Variants in L3MBTL4 observed in about 807,000 individuals in gnomAD.
L3MBTL4 encodes the protein lethal(3)malignant brain tumor-like protein 4.
L3MBTL4 carries 70 observed loss-of-function variants against 84.5 expected under a neutral mutation model. The observed-to-expected ratio is 0.83, with a 90% CI of 0.68 to 1.01. The LOEUF (loss-of-function observed/expected upper bound fraction) is 1.01, where lower values mean the gene tolerates loss of function less well. Among genes scored for constraint, L3MBTL4 ranks in the 50% least tolerant of loss-of-function variants. The pLI is 0.00. For missense variants in L3MBTL4, 715 were observed against 754.8 expected (o/e 0.95, Z 0.62); for synonymous variants, 274 against 259.8 (o/e 1.05, Z -0.52).
intron 16 of L3MBTL4, among the ~76,000 whole-genome samples, chr18:6,049,521 T>C (rs756676344): frequency 2.0e-5 from 3 of 152,166 alleles, no homozygotes; most frequent in Non-Finnish European, 4.4e-5. Flanking sequence ...ATATATATCA[T>C]GGAATACTAT....
upstream of L3MBTL4, chr18:6,415,101 T>G (rs2056143765): frequency 6.6e-6 from 1 of 152,242 alleles, no homozygotes; most frequent in Non-Finnish European, 1.5e-5. Context: ...AATTTTCAGA[T>G]GCGTCCTTCT....
chr18:6,276,081 G>A (rs1266701357), intron 4 of L3MBTL4, among the ~76,000 whole-genome samples: 1 of 152,198 alleles, frequency 6.6e-6, no homozygotes, highest in Non-Finnish European at 1.5e-5. Context: ...GCTTCCTTTG[G>A]AAAGGCTAAT....
chr18:6,321,259 C>T (rs2051387201), intron 1 of L3MBTL4, among the ~76,000 whole-genome samples: 1 of 152,074 alleles, frequency 6.6e-6, no homozygotes, highest in African/African-American at 2.4e-5. Context: ...AGCTTCTGTA[C>T]AGCAAAAGGC....
intron 17 of L3MBTL4, among the ~76,000 whole-genome samples, chr18:5,961,860 G>A (rs2095265126): frequency 6.6e-6 from 1 of 152,230 alleles, no homozygotes; most frequent in African/African-American, 2.4e-5. Flanking sequence ...GTGGAATGCC[G>A]CTGGTCAAGC....
At position 6,045,223 on chromosome 18, in the gene L3MBTL4, C is replaced by T. The variant is rs1438194616; in HGVS notation, c.1444+35658G>A. 5.3e-5 allele frequency among the ~76,000 whole-genome samples: 8 copies of T among 152,288 alleles called. No homozygotes were observed. The South Asian group carries it at 1.2e-3, about 24-fold the overall frequency. On this transcript the variant is annotated intron_variant, in intron 16 of 18. Transcript: ENST00000317931. Reference sequence around the variant, plus strand: ...CTTATGAGCCAAAAGGGATTGGGGGCCTACTTTCAGCACTCTTAAGTAAAA... The same window carrying T: ...CTTATGAGCCAAAAGGGATTGGGGGTCTACTTTCAGCACTCTTAAGTAAAA...
At position 6,255,180 on chromosome 18, in the gene L3MBTL4, G is replaced by T. The variant is rs189199566; in HGVS notation, c.219+8767C>A. Among the ~76,000 whole-genome samples the T allele has an allele frequency of 3.9e-4, 60 of 152,284 alleles. 1 individual carries two copies. The East Asian group carries it at 7.9e-3, about 20-fold the overall frequency. On this transcript the variant is annotated intron_variant, in intron 5 of 18. Transcript: ENST00000317931. ...CATATTTCCTTTAACTAAACAAGAA[G>T]TCGTGTCTACCCTTGATTCCAAATG...
intron 1 of L3MBTL4, among the ~76,000 whole-genome samples, chr18:6,408,610 A>C (rs62079209): frequency 0.12 from 17,787 of 152,068 alleles, 1,183 homozygotes; most frequent in African/African-American, 0.16. Flanking sequence ...CTGCCTCCAA[A>C]GCACTAAGGG....
At chr18:6,303,635 T>C (rs1026697429) in intron 3 of L3MBTL4, among the ~76,000 whole-genome samples, 5 of 152,208 alleles carry the variant, frequency 3.3e-5, no homozygotes, top group Non-Finnish European at 5.9e-5. Context: ...CCAGTCTGCA[T>C]GGGGCAGACC....
At chr18:6,174,760 T>C (rs2044146358) in intron 12 of L3MBTL4, among the ~76,000 whole-genome samples, 1 of 150,332 alleles carries the variant, frequency 6.7e-6, no homozygotes, top group African/African-American at 2.5e-5. Flanking sequence ...CCCAGCTACT[T>C]GGGAGGCTGA....
At chr18:6,211,950 AC>A (rs1271677060) in intron 12 of L3MBTL4, among the ~76,000 whole-genome samples, 4 of 152,206 alleles carry the variant, frequency 2.6e-5, no homozygotes, top group Non-Finnish European at 5.9e-5. Flanking sequence ...TGCCCGGCCT[AC>A]TTTTAAAATG....
chr18:6,369,270 T>C (rs1006003325), intron 1 of L3MBTL4, among the ~76,000 whole-genome samples: 10 of 152,042 alleles, frequency 6.6e-5, no homozygotes, highest in Non-Finnish European at 1.2e-4. Flanking sequence ...AATTCATCAA[T>C]ATGCTGTAAA....
intron 4 of L3MBTL4, among the ~76,000 whole-genome samples, chr18:6,284,668 G>T (rs527331541): frequency 4.2e-4 from 64 of 152,300 alleles, no homozygotes; most frequent in Non-Finnish European, 8.7e-4. Context: ...CTTCTTCAGG[G>T]CAGTATCCTA....
At chr18:6,406,694 A>C (rs1483589235) in intron 1 of L3MBTL4, among the ~76,000 whole-genome samples, 1 of 152,122 alleles carries the variant, frequency 6.6e-6, no homozygotes, top group African/African-American at 2.4e-5. Flanking sequence ...TTACCATCCT[A>C]CCAGGCATGG....
At chr18:6,065,537 T>A (rs778078730) in intron 16 of L3MBTL4, among the ~76,000 whole-genome samples, 4 of 152,026 alleles carry the variant, frequency 2.6e-5, no homozygotes, top group Non-Finnish European at 5.9e-5. Context: ...TGCCTGTTGT[T>A]GGTCTGTTCA....
chr18:6,264,863 G>C (rs986497424), intron 4 of L3MBTL4, among the ~76,000 whole-genome samples: 1 of 152,190 alleles, frequency 6.6e-6, no homozygotes, highest in African/African-American at 2.4e-5. Context: ...CAGTAGACAC[G>C]CCCAAGGGGC....
rs145560293 is a variant in L3MBTL4, at chr18:6,169,980, C to T, written c.1096+1848G>A. Among the ~76,000 whole-genome samples the T allele has an allele frequency of 3.2e-3, 486 of 152,154 alleles. 3 individuals are homozygous for T. Among genetic ancestry groups the T allele is most frequent in the African/African-American group, 0.011 (452 of 41,516 alleles). On this transcript the variant is annotated intron_variant, in intron 13 of 18. Transcript: ENST00000317931. ...AAATCTAGAGAATGTCACATTATTTCCTGAGAGAAGATTTAATTGAGCACA... is the reference window on the plus strand; with the variant it reads ...AAATCTAGAGAATGTCACATTATTTTCTGAGAGAAGATTTAATTGAGCACA...
intron 4 of L3MBTL4, among the ~76,000 whole-genome samples, chr18:6,296,753 G>A (rs190695978): frequency 6.6e-6 from 1 of 152,284 alleles, no homozygotes; most frequent in East Asian, 1.9e-4. Context: ...ATAAATCTTA[G>A]TTGGGGAAAA....
intron 16 of L3MBTL4, among the ~76,000 whole-genome samples, chr18:6,075,375 C>A (rs2057823202): frequency 6.6e-6 from 1 of 152,136 alleles, no homozygotes; most frequent in African/African-American, 2.4e-5. Context: ...CAGACCCACA[C>A]ATAAATGGTT....
chr18:6,275,510 C>T (rs1052767990), intron 4 of L3MBTL4, among the ~76,000 whole-genome samples: 2 of 151,994 alleles, frequency 1.3e-5, no homozygotes, highest in African/African-American at 2.4e-5. Context: ...GGGTTTGCCT[C>T]GGGATCGTTT....
Sources: gnomAD v4.1 joint callset for allele counts (sites outside exome capture counted in the v4.1 genomes callset) on GRCh38, gnomAD v4.1.1 for gene constraint, MANE v1.5 for transcripts, NCBI Gene and HGNC (gene_info 2026-07-23, HGNC 2026-07-21) for gene names.